ZNF480: variants seen among roughly 807,000 people sequenced by gnomAD.
ZNF480 encodes zinc finger protein 480.
In ZNF480, 15 loss-of-function variants were observed where a neutral mutation model predicts 14.4. The ratio of observed to expected loss-of-function variants is 1.04; its 90% CI spans 0.70 to 1.60. The LOEUF (loss-of-function observed/expected upper bound fraction) is 1.60, where lower values mean the gene tolerates loss of function less well. Among genes scored for constraint, ZNF480 ranks in the 40% most tolerant of loss-of-function variants. The pLI is 0.00. For synonymous variants in ZNF480, 218 were observed against 215.5 expected (o/e 1.01, Z -0.10); for missense variants, 593 against 629.7 (o/e 0.94, Z 0.62).
At chr19:52,309,732 C>G (rs1983177477) in intron 2 of ZNF480, among the ~76,000 whole-genome samples, 1 of 152,196 alleles carries the variant, frequency 6.6e-6, no homozygotes, top group African/African-American at 2.4e-5. Context: ...ACTGGTGCAT[C>G]TCTGGGTGCA....
At chr19:52,313,243 T>G (rs1983377944) in intron 2 of ZNF480, among the ~76,000 whole-genome samples, 1 of 151,750 alleles carries the variant, frequency 6.6e-6, no homozygotes, top group Admixed American at 6.6e-5. Flanking sequence ...TTCAAGTGAT[T>G]CTTCTGCCTC....
intron 4 of ZNF480, among the ~76,000 whole-genome samples, chr19:52,318,120 T>C (rs897212636): frequency 7.2e-5 from 11 of 151,920 alleles, no homozygotes; most frequent in Admixed American, 2.6e-4. Context: ...TATTTATTTA[T>C]TTTTTGAGAC....
At chr19:52,307,619 AG>A (rs1430262772) in intron 2 of ZNF480, 3 of 152,254 alleles carry the variant, frequency 2.0e-5, no homozygotes, top group Non-Finnish European at 2.9e-5. Context: ...TTCAGAGCTG[AG>A]AGCTGTGAAC....
chr19:52,297,522 C>G (rs1272780485), intron 1 of ZNF480, among the ~76,000 whole-genome samples: 1 of 152,138 alleles, frequency 6.6e-6, no homozygotes, highest in Non-Finnish European at 1.5e-5. Context: ...GTAAAGTCCT[C>G]CCCCGCTAGG....
chr19:52,316,924 C>T (rs181491157), intron 4 of ZNF480, among the ~76,000 whole-genome samples: 1 of 152,134 alleles, frequency 6.6e-6, no homozygotes, highest in Non-Finnish European at 1.5e-5. Flanking sequence ...TTTGTCTGTA[C>T]CACAGTTTGT....
At chr19:52,316,935 TTAAC>T (rs1442841980) in intron 4 of ZNF480, among the ~76,000 whole-genome samples, 2 of 152,232 alleles carry the variant, frequency 1.3e-5, no homozygotes, top group Non-Finnish European at 2.9e-5. Flanking sequence ...CACAGTTTGT[TTAAC>T]TATTCATCCA....
In ZNF480 at chr19:52,321,846, G is replaced by C. The variant is rs146365758; in HGVS notation, c.596G>C (p.Arg199Thr). ...CCACAAGAACAGAAAGTACACCTTA[G>C]AGAAAAACCTTATGAATGTAATGAG... is the stretch of plus-strand genomic sequence containing the variant. ...FLPQEQKVHL[R>T]EKPYECNEHS... Residue 199 changes from arginine to threonine, a missense_variant, in exon 5 of 5, where the codon AGA (arginine) becomes ACA (threonine). By Grantham distance (71) the Arg-to-Thr change is moderately conservative. Transcript: ENST00000595962. 6.4e-5 allele frequency: 103 copies of C among 1,614,090 alleles called. No homozygotes were observed. The African/African-American group carries it at 1.0e-3, about 16-fold the overall frequency.
chr19:52,321,332 G>A (rs927174855), intron 4 of ZNF480, among the ~76,000 whole-genome samples: 6 of 152,024 alleles, frequency 3.9e-5, no homozygotes, highest in African/African-American at 1.5e-4. Context: ...TTCAATTCCT[G>A]TTCTATCTCT....
At chr19:52,320,504 A>C (rs1752649987) in intron 4 of ZNF480, among the ~76,000 whole-genome samples, 1 of 152,118 alleles carries the variant, frequency 6.6e-6, no homozygotes, top group Admixed American at 6.6e-5. Context: ...ACACAGAAAA[A>C]ACTTGCTGAG....
chr19:52,313,933 T>C (rs2657933), intron 2 of ZNF480: 298,737 of 391,900 alleles, frequency 0.76, 115,811 homozygotes, highest in African/African-American at 0.95. Context: ...GAGCCGAGAT[T>C]GCACCACTGC....
At chr19:52,315,013 C>G (rs1359649322) in intron 3 of ZNF480, among the ~76,000 whole-genome samples, 1 of 152,142 alleles carries the variant, frequency 6.6e-6, no homozygotes, top group Admixed American at 6.6e-5. Flanking sequence ...GTTGCCCTGG[C>G]TGGAGGGCAC....
chr19:52,320,892 C>T (rs1009113438), intron 4 of ZNF480, among the ~76,000 whole-genome samples: 3 of 152,022 alleles, frequency 2.0e-5, no homozygotes, highest in Non-Finnish European at 4.4e-5. Flanking sequence ...CAGGAGAGAT[C>T]GCTTGAGCTG....
At chr19:52,317,162 T>G (rs777758174) in intron 4 of ZNF480, among the ~76,000 whole-genome samples, 8 of 151,478 alleles carry the variant, frequency 5.3e-5, no homozygotes, top group Non-Finnish European at 2.9e-5. Flanking sequence ...GGACTACAGG[T>G]GCACACCACC....
At chr19:52,302,943 T>A (rs1372605223) in intron 2 of ZNF480, among the ~76,000 whole-genome samples, 1 of 152,216 alleles carries the variant, frequency 6.6e-6, no homozygotes, top group Non-Finnish European at 1.5e-5. Flanking sequence ...AAAGGGTGTA[T>A]GAGCTCTAAT....
chr19:52,310,106 G>C (rs1252644448), intron 2 of ZNF480, among the ~76,000 whole-genome samples: 1 of 150,840 alleles, frequency 6.6e-6, no homozygotes, highest in Non-Finnish European at 1.5e-5. Context: ...CCCAGGCTGG[G>C]GTGCCGTGGC....
chr19:52,308,305 TTC>T (rs1209372006), intron 2 of ZNF480, among the ~76,000 whole-genome samples: 39 of 84,176 alleles, frequency 4.6e-4, no homozygotes, highest in Non-Finnish European at 6.6e-4. Flanking sequence ...GATTTTTTTC[TTC>T]TTTTTTTTTT....
chr19:52,319,478 A>G (rs1276219374), intron 4 of ZNF480, among the ~76,000 whole-genome samples: 2 of 152,146 alleles, frequency 1.3e-5, no homozygotes, highest in African/African-American at 4.8e-5. Flanking sequence ...TAAATGGCAA[A>G]TATCTTTTTT....
chr19:52,322,718 A>G lies in ZNF480; in HGVS notation c.1468A>G (p.Lys490Glu), dbSNP rs1289300007. ...ACCTTACAAATGTAATGAATGTGGC[A>G]AGGTCTTCAATCGAATTGCACACCT... ...ERPYKCNECG[K>E]VFNRIAHLAR... The change falls in exon 5 of 5, where the codon AAG becomes GAG. Residue 490 changes from lysine (K) to glutamate (E), a missense_variant. By Grantham distance (56) the Lys-to-Glu change is moderately conservative. Coordinates refer to ENST00000595962, the MANE Select transcript of ZNF480 (RefSeq NM_144684.4). The G allele has an allele frequency of 6.2e-7, 1 of 1,613,878 alleles. No individual in the cohort carries two copies. Among genetic ancestry groups the G allele is most frequent in the South Asian group, 1.1e-5 (1 of 91,072 alleles).
At chr19:52,316,451 A>T (rs1983563065) in intron 4 of ZNF480, among the ~76,000 whole-genome samples, 1 of 152,046 alleles carries the variant, frequency 6.6e-6, no homozygotes, top group African/African-American at 2.4e-5. Flanking sequence ...GCTGGTCTCG[A>T]ACTCCTGACC....
Sources: gnomAD v4.1 joint callset for allele counts (sites outside exome capture counted in the v4.1 genomes callset) on GRCh38, gnomAD v4.1.1 for gene constraint, MANE v1.5 for transcripts, NCBI Gene and HGNC (gene_info 2026-07-23, HGNC 2026-07-21) for gene names.